Variants in ARL10 observed in about 807,000 individuals in gnomAD.
ARL10 encodes ADP-ribosylation factor-like protein 10.
In ARL10, 23 loss-of-function variants were observed where a neutral mutation model predicts 26.1. The observed-to-expected ratio is 0.88, with a 90% confidence interval of 0.63 to 1.25. The LOEUF is 1.25. Among genes scored for constraint, ARL10 ranks in the 50% most tolerant of loss-of-function variants. The pLI is 0.00. For missense variants in ARL10, 300 were observed against 323.6 expected (o/e 0.93, Z 0.56); for synonymous variants, 138 against 149.1 (o/e 0.93, Z 0.54).
chr5:176,385,049 C>A, downstream of ARL10: 1 of 624,878 alleles, frequency 1.6e-6, no homozygotes, highest in South Asian at 1.8e-5. Context: ...TCTATCCTTG[C>A]CATAAGCATT....
intron 1 of ARL10, among the ~76,000 whole-genome samples, chr5:176,399,071 C>T (rs1267432505): frequency 2.0e-5 from 3 of 151,988 alleles, no homozygotes; most frequent in Non-Finnish European, 4.4e-5. Flanking sequence ...CTCGAACTCC[C>T]GACCTCAGGT....
chr5:176,395,290 G>C (rs182145898), intron 1 of ARL10, among the ~76,000 whole-genome samples: 1 of 152,328 alleles, frequency 6.6e-6, no homozygotes, highest in Non-Finnish European at 1.5e-5. Context: ...AGGCTCCCCA[G>C]GCAGAGAGTG....
At chr5:176,394,040 C>T (rs567365677) in intron 1 of ARL10, among the ~76,000 whole-genome samples, 1 of 152,320 alleles carries the variant, frequency 6.6e-6, no homozygotes, top group South Asian at 2.1e-4. Context: ...GGGATGCTGG[C>T]TGTATGCTCA....
the ARL10 span, among the ~76,000 whole-genome samples, chr5:176,413,061 T>C: frequency 1.3e-5 from 2 of 152,144 alleles, no homozygotes; most frequent in African/African-American, 4.8e-5. Context: ...CTCGAGAGTG[T>C]TCCTCTGGAC....
In ARL10 at chr5:176,368,127, A is replaced by C. The variant is rs528798251; in HGVS notation, c.386-680A>C. On this transcript the variant is annotated intron_variant, in intron 2 of 3. Transcript: ENST00000310389. The surrounding 1 kb of genome is among the most constrained non-coding windows in gnomAD (Gnocchi z 4.1). ...AGAAACACTAGGGTGCGGGGTGACC[A>C]ATGGGACTGTGCAGAGGAGCAGAGA... The C allele has an allele frequency of 5.1e-5, 24 of 470,234 alleles. No homozygotes were observed. Among genetic ancestry groups the C allele is most frequent in the Admixed American group, 3.4e-4 (15 of 44,674 alleles). The allele number at this position is 470,234 out of a possible 1,614,324, so 29.1% of individuals were successfully genotyped here.
chr5:176,378,537 G>A lies in ARL10; in HGVS notation c.*6642G>A, dbSNP rs1755464690. 1.3e-5 allele frequency: 2 copies of A among 152,208 alleles called. No homozygotes were observed. The highest frequency in any genetic ancestry group is 4.8e-5 in the African/African-American group (2 of 41,450). The allele number at this position is 152,208 out of a possible 1,614,324, so 9.4% of individuals were successfully genotyped here. On this transcript the variant is annotated 3_prime_UTR_variant, in exon 4 of 4. Transcript: ENST00000310389. ...ACATGCCAAAATTGTGGACTGCAAA[G>A]GCATGTATATATACATAGCATGTCT...
chr5:176,399,810 G>A (rs900241285), intron 1 of ARL10, among the ~76,000 whole-genome samples: 15 of 151,028 alleles, frequency 9.9e-5, no homozygotes, highest in South Asian at 2.1e-4. Context: ...CCTGGGAGGC[G>A]AAGATTGCAG....
chr5:176,408,824 T>C, the ARL10 span, among the ~76,000 whole-genome samples: 1 of 152,320 alleles, frequency 6.6e-6, no homozygotes, highest in Non-Finnish European at 1.5e-5. Flanking sequence ...CCGGCTGGGT[T>C]TTCCTCGTTT....
intron 1 of ARL10, among the ~76,000 whole-genome samples, chr5:176,394,555 T>C (rs111825432): frequency 0.066 from 9,974 of 151,790 alleles, 399 homozygotes; most frequent in Middle Eastern, 0.1. Flanking sequence ...CGGTGGCTCA[T>C]GCCTGTAATC....
rs1413539520 is a variant in ARL10 at position 176,368,283 on chromosome 5, G to T, written c.386-524G>T. Among the ~76,000 whole-genome samples the T allele has an allele frequency of 3.3e-5, 5 of 152,154 alleles. No homozygotes were observed. Among genetic ancestry groups the T allele is most frequent in the Admixed American group, 1.3e-4 (2 of 15,282 alleles). ...TGGAGAATGGCTGTGTATAGGCAGG[G>T]CAGGGGGTCCTGAGTTTTCTAGACA... On this transcript the variant is annotated intron_variant, in intron 2 of 3. Coordinates refer to ENST00000310389, the MANE Select transcript of ARL10 (RefSeq NM_173664.6). This position sits in a 1 kb window ranked among gnomAD's most constrained non-coding sequence, Gnocchi z 4.1.
chr5:176,402,065 G>A (rs1323234315), downstream of ARL10, among the ~76,000 whole-genome samples: 3 of 152,206 alleles, frequency 2.0e-5, no homozygotes. Flanking sequence ...CACTTTGGGA[G>A]GCTGAGGCAG....
rs2113554325 is a variant in ARL10 at position 176,372,001 on chromosome 5, C to T, written c.*106C>T. ...GCAAGAGCCACATGGCAGCATTTCC[C>T]TTTTCCCCTCCTTTGCCTTTCAAGA... On this transcript the variant is annotated 3_prime_UTR_variant, in exon 4 of 4. Coordinates refer to ENST00000310389, the MANE Select transcript of ARL10 (RefSeq NM_173664.6). The T allele has an allele frequency of 2.0e-6, 3 of 1,482,470 alleles. No individual in the cohort carries two copies. The highest frequency in any genetic ancestry group is 2.7e-6 in the Non-Finnish European group (3 of 1,114,100). 91.8% of individuals were successfully genotyped at this position (1,482,470 alleles called of 1,614,324 possible).
At position 176,379,874 on chromosome 5, in the gene ARL10, A is replaced by C. The variant is rs1389187975; in HGVS notation, c.*7979A>C. 1 of 152,152 alleles carries C rather than the reference A, an allele frequency of 6.6e-6. No homozygotes were observed. Among genetic ancestry groups the C allele is most frequent in the Non-Finnish European group, 1.5e-5 (1 of 68,024 alleles). The allele number at this position is 152,152 out of a possible 1,614,324, so 9.4% of individuals were successfully genotyped here. On this transcript the variant is annotated 3_prime_UTR_variant, in exon 4 of 4. Transcript: ENST00000310389. ...CATTCTGCTCCTGCTGTCAATTTTC[A>C]AGCTTCACCAGTATCATGTGAATAA...
chr5:176,394,574 T>A (rs1581421640), intron 1 of ARL10, among the ~76,000 whole-genome samples: 1 of 151,490 alleles, frequency 6.6e-6, no homozygotes, highest in Non-Finnish European at 1.5e-5. Context: ...TCCCAGCACT[T>A]TGGGAGGCCA....
chr5:176,394,648 A>C (rs760534043), intron 1 of ARL10, among the ~76,000 whole-genome samples: 1 of 115,496 alleles, frequency 8.7e-6, no homozygotes, highest in Non-Finnish European at 2.0e-5. Flanking sequence ...CCCCGTCTCT[A>C]CTAAAAAATA....
downstream of ARL10, among the ~76,000 whole-genome samples, chr5:176,382,137 A>G (rs1755569684): frequency 6.6e-6 from 1 of 152,190 alleles, no homozygotes; most frequent in Non-Finnish European, 1.5e-5. Flanking sequence ...CCACACGTAG[A>G]CTGGGCAAAG....
At chr5:176,395,047 C>A (rs1308974911) in intron 1 of ARL10, among the ~76,000 whole-genome samples, 1 of 152,052 alleles carries the variant, frequency 6.6e-6, no homozygotes, top group African/African-American at 2.4e-5. Context: ...GCTTTGCAAC[C>A]AGCCCCAAGC....
At chr5:176,387,581 G>T (rs989190388) in intron 1 of ARL10, among the ~76,000 whole-genome samples, 3 of 152,124 alleles carry the variant, frequency 2.0e-5, no homozygotes, top group African/African-American at 7.3e-5. Flanking sequence ...AAGGCAAGGA[G>T]TGTTATACCC....
At chr5:176,389,493 C>T, downstream of ARL10, 1 of 1,612,496 alleles carries the variant, frequency 6.2e-7, no homozygotes, top group South Asian at 1.1e-5. Context: ...AAGTCTCGAC[C>T]CTAAGCCCAG....
Sources: gnomAD v4.1 joint callset for allele counts (sites outside exome capture counted in the v4.1 genomes callset) on GRCh38, gnomAD v4.1.1 for gene constraint, Gnocchi (gnomAD v3.1) non-coding constraint, MANE v1.5 for transcripts, NCBI Gene and HGNC (gene_info 2026-07-23, HGNC 2026-07-21) for gene names.